GRM5: variants seen among roughly 807,000 people sequenced by gnomAD.
GRM5 encodes the protein metabotropic glutamate receptor 5.
In GRM5, 19 loss-of-function variants were observed where a neutral mutation model predicts 83.1. That is an observed-to-expected ratio of 0.23 (90% confidence interval 0.16 to 0.34). The LOEUF (loss-of-function observed/expected upper bound fraction) is 0.34. Ranked by LOEUF, GRM5 falls within the 10% of genes least tolerant of loss-of-function variation. The pLI is 1.00. For synonymous variants in GRM5, 675 were observed against 633.6 expected (o/e 1.07, Z -0.98); for missense variants, 1,160 against 1,588.3 (o/e 0.73, Z 4.58).
At chr11:88,568,289 A>T (rs1292259801) in intron 7 of GRM5, among the ~76,000 whole-genome samples, 1 of 152,194 alleles carries the variant, frequency 6.6e-6, no homozygotes. Context: ...AACAACTGTA[A>T]CTGTGATAAG....
At chr11:88,512,658 C>A (rs1369051780) in intron 9 of GRM5, among the ~76,000 whole-genome samples, 1 of 152,112 alleles carries the variant, frequency 6.6e-6, no homozygotes, top group Non-Finnish European at 1.5e-5. Flanking sequence ...ATCCCAGATA[C>A]TTGGAAAAGA....
At chr11:88,895,220 G>T (rs1343345600) in intron 2 of GRM5, among the ~76,000 whole-genome samples, 1 of 151,868 alleles carries the variant, frequency 6.6e-6, no homozygotes, top group African/African-American at 2.4e-5. Context: ...CAATTGTTTT[G>T]GATGGGGGAA....
chr11:88,967,980 T>A (rs1339321473), intron 2 of GRM5, among the ~76,000 whole-genome samples: 16 of 152,282 alleles, frequency 1.1e-4, no homozygotes, highest in African/African-American at 3.8e-4. Flanking sequence ...AGGTGAGTCA[T>A]GTTTAGGCCT....
intron 6 of GRM5, among the ~76,000 whole-genome samples, chr11:88,595,820 G>A (rs1009293857): frequency 6.6e-6 from 1 of 152,046 alleles, no homozygotes; most frequent in East Asian, 1.9e-4. Context: ...TGTACCTGTT[G>A]CTGCTCAGCC....
intron 3 of GRM5, among the ~76,000 whole-genome samples, chr11:88,796,891 C>T (rs1168942216): frequency 1.8e-5 from 2 of 110,386 alleles, no homozygotes; most frequent in South Asian, 7.5e-4. Context: ...AAAGTACACA[C>T]ACACACACGT....
intron 9 of GRM5, among the ~76,000 whole-genome samples, chr11:88,510,686 T>G (rs960927640): frequency 3.3e-5 from 5 of 152,180 alleles, no homozygotes; most frequent in African/African-American, 1.2e-4. Context: ...CCAGCTAATT[T>G]TGTATTTTTA....
intron 3 of GRM5, among the ~76,000 whole-genome samples, chr11:88,671,947 T>C (rs1940205973): frequency 6.6e-6 from 1 of 152,050 alleles, no homozygotes; most frequent in South Asian, 2.1e-4. Flanking sequence ...CGTTAAAATA[T>C]TTTTATTTAA....
intron 8 of GRM5, among the ~76,000 whole-genome samples, chr11:88,553,653 T>C (rs932375359): frequency 1.3e-5 from 2 of 152,086 alleles, no homozygotes; most frequent in African/African-American, 4.8e-5. Context: ...GGAATATAAG[T>C]AGGGGGAATT....
chr11:88,943,746 A>G (rs1354201805), intron 2 of GRM5, among the ~76,000 whole-genome samples: 1 of 152,018 alleles, frequency 6.6e-6, no homozygotes, highest in Admixed American at 6.6e-5. Context: ...ACCTCAACAT[A>G]TAGGTTTCAA....
chr11:88,621,784 CT>C lies in GRM5; in HGVS notation c.1148-16821del, dbSNP rs753754834. 3.9e-5 allele frequency among the ~76,000 whole-genome samples: 6 copies of C among 152,094 alleles called. No homozygotes were observed. The East Asian group carries it at 1.2e-3, about 29-fold the overall frequency. ...TGAGCATGCTAAATGAAGATTCCATCTCTTATAATAAGCACTGTAATTGAAA... is the reference window on the plus strand; with the variant it reads ...TGAGCATGCTAAATGAAGATTCCATCCTTATAATAAGCACTGTAATTGAAA... On this transcript the variant is annotated intron_variant, in intron 4 of 9. Coordinates refer to ENST00000305447, the MANE Select transcript of GRM5 (RefSeq NM_001143831.3).
chr11:88,778,009 A>G (rs1343403543), intron 3 of GRM5, among the ~76,000 whole-genome samples: 2 of 146,852 alleles, frequency 1.4e-5, no homozygotes, highest in Non-Finnish European at 3.1e-5. Flanking sequence ...AGGGACGTTT[A>G]AGTCTGCAGA....
At chr11:88,867,472 A>T (rs530869717) in intron 2 of GRM5, among the ~76,000 whole-genome samples, 1 of 151,732 alleles carries the variant, frequency 6.6e-6, no homozygotes, top group East Asian at 1.9e-4. Context: ...GTCTTTTTTC[A>T]TAAGAAGTTT....
chr11:88,862,904 T>G (rs1944590540), intron 2 of GRM5, among the ~76,000 whole-genome samples: 1 of 152,072 alleles, frequency 6.6e-6, no homozygotes, highest in African/African-American at 2.4e-5. Flanking sequence ...ACATGAAACT[T>G]AAATAAATTT....
chr11:88,714,761 C>G lies in GRM5; in HGVS notation c.912-61358G>C, dbSNP rs1038110924. 1.2e-4 allele frequency among the ~76,000 whole-genome samples: 18 copies of G among 151,914 alleles called. 1 individual carries two copies. The highest frequency in any genetic ancestry group is 9.9e-4 in the Admixed American group (15 of 15,202). ...ATGCATATTGACTTCATCTGTAGTA[C>G]AGCTGCATCTACAACTCTGTGAAGA... On this transcript the variant is annotated intron_variant, in intron 3 of 9. Coordinates refer to ENST00000305447, the MANE Select transcript of GRM5 (RefSeq NM_001143831.3).
chr11:88,847,709 T>A (rs1289945869), intron 3 of GRM5, among the ~76,000 whole-genome samples: 1 of 152,156 alleles, frequency 6.6e-6, no homozygotes, highest in Non-Finnish European at 1.5e-5. Context: ...CAAGTAAATG[T>A]CAAATTACTA....
chr11:88,585,036 C>A (rs1485152557), intron 7 of GRM5, among the ~76,000 whole-genome samples: 1 of 152,166 alleles, frequency 6.6e-6, no homozygotes, highest in Non-Finnish European at 1.5e-5. Flanking sequence ...GGTCATAAGA[C>A]CCTCATGTGA....
At chr11:88,672,106 T>G (rs1022543502) in intron 3 of GRM5, among the ~76,000 whole-genome samples, 2 of 151,966 alleles carry the variant, frequency 1.3e-5, no homozygotes, top group African/African-American at 2.4e-5. Flanking sequence ...TCTTTAAGAC[T>G]GTCTTGGAGT....
chr11:88,954,003 C>T (rs954697145), intron 2 of GRM5, among the ~76,000 whole-genome samples: 3 of 152,140 alleles, frequency 2.0e-5, no homozygotes, highest in African/African-American at 7.2e-5. Flanking sequence ...TATTTCATGT[C>T]AGTCTTTTGG....
chr11:88,574,105 T>C (rs1447717928), intron 7 of GRM5, among the ~76,000 whole-genome samples: 1 of 152,208 alleles, frequency 6.6e-6, no homozygotes, highest in African/African-American at 2.4e-5. Context: ...AAGGTCTGTC[T>C]TCTCTACTTG....
Sources: gnomAD v4.1 joint callset for allele counts (sites outside exome capture counted in the v4.1 genomes callset) on GRCh38, gnomAD v4.1.1 for gene constraint, MANE v1.5 for transcripts, NCBI Gene and HGNC (gene_info 2026-07-23, HGNC 2026-07-21) for gene names.